Variants in NRG3 observed in about 807,000 individuals in gnomAD.
The protein encoded by NRG3 is pro-neuregulin-3, membrane-bound isoform.
In NRG3, 31 loss-of-function variants were observed where a neutral mutation model predicts 66.9. The observed-to-expected ratio is 0.46, with a 90% confidence interval of 0.35 to 0.63. The LOEUF (loss-of-function observed/expected upper bound fraction) is 0.63. Ranked by LOEUF, NRG3 falls within the 20% of genes least tolerant of loss-of-function variation. The pLI is 0.00. For synonymous variants in NRG3, 393 were observed against 359.4 expected, an observed-to-expected ratio of 1.09 and a Z score of -1.06; for missense variants, 910 against 878.9, an observed-to-expected ratio of 1.04 and a Z score of -0.45.
At chr10:82,801,552 T>C (rs2061039510) in intron 3 of NRG3, among the ~76,000 whole-genome samples, 1 of 152,162 alleles carries the variant, frequency 6.6e-6, no homozygotes, top group African/African-American at 2.4e-5. Context: ...CATTGTGTCA[T>C]TGGTATCCAC....
intron 1 of NRG3, among the ~76,000 whole-genome samples, chr10:81,942,665 C>T (rs1167931120): frequency 1.3e-5 from 2 of 152,140 alleles, no homozygotes; most frequent in Non-Finnish European, 2.9e-5. Context: ...TATCTTTCCT[C>T]AATTCACTGA....
chr10:82,898,577 G>T (rs1400878339), intron 4 of NRG3, among the ~76,000 whole-genome samples: 11 of 152,182 alleles, frequency 7.2e-5, no homozygotes, highest in Non-Finnish European at 2.9e-5. Flanking sequence ...ATACACATTT[G>T]CATGATGCTC....
intron 1 of NRG3, among the ~76,000 whole-genome samples, chr10:82,235,735 T>A (rs1054552151): frequency 1.3e-5 from 2 of 152,154 alleles, no homozygotes; most frequent in Non-Finnish European, 2.9e-5. Flanking sequence ...TAAAGAAAAT[T>A]GTATTTTGAG....
At chr10:82,493,593 A>G (rs1417903815) in intron 2 of NRG3, among the ~76,000 whole-genome samples, 2 of 152,202 alleles carry the variant, frequency 1.3e-5, no homozygotes, top group African/African-American at 2.4e-5. Context: ...ATGAACATAC[A>G]TGTCCATGTA....
chr10:82,639,139 C>T (rs947120317), intron 2 of NRG3, among the ~76,000 whole-genome samples: 1 of 152,186 alleles, frequency 6.6e-6, no homozygotes, highest in Non-Finnish European at 1.5e-5. Flanking sequence ...AATCTTCCTG[C>T]TGTATAACAA....
At chr10:82,788,446 C>T (rs2060457773) in intron 3 of NRG3, among the ~76,000 whole-genome samples, 2 of 151,820 alleles carry the variant, frequency 1.3e-5, no homozygotes, top group African/African-American at 2.4e-5. Context: ...GGTGCATGTC[C>T]GTAGTCCCAG....
At chr10:82,823,534 G>T (rs1462977239) in intron 3 of NRG3, among the ~76,000 whole-genome samples, 1 of 152,144 alleles carries the variant, frequency 6.6e-6, no homozygotes, top group African/African-American at 2.4e-5. Context: ...TCAGAATGGT[G>T]CACCATCAAC....
chr10:82,013,742 T>G (rs1407177782), intron 1 of NRG3, among the ~76,000 whole-genome samples: 1 of 152,182 alleles, frequency 6.6e-6, no homozygotes, highest in Non-Finnish European at 1.5e-5. Flanking sequence ...ATTTTCTCAC[T>G]CTGCTATACT....
intron 2 of NRG3, among the ~76,000 whole-genome samples, chr10:82,404,823 A>G (rs1055231918): frequency 6.6e-6 from 1 of 152,136 alleles, no homozygotes; most frequent in African/African-American, 2.4e-5. Flanking sequence ...ATTAAATGCC[A>G]TTAGCTGGTC....
intron 2 of NRG3, among the ~76,000 whole-genome samples, chr10:82,457,261 C>T (rs929548357): frequency 6.6e-6 from 1 of 152,052 alleles, no homozygotes; most frequent in African/African-American, 2.4e-5. Flanking sequence ...AATTTTTTTC[C>T]ACAGACAGGT....
chr10:82,048,395 C>G (rs2063417107), intron 1 of NRG3, among the ~76,000 whole-genome samples: 1 of 152,106 alleles, frequency 6.6e-6, no homozygotes, highest in African/African-American at 2.4e-5. Flanking sequence ...TTATAACAAA[C>G]TGTCTCTCAG....
At chr10:81,959,295 C>T (rs1850130561) in intron 1 of NRG3, among the ~76,000 whole-genome samples, 1 of 152,084 alleles carries the variant, frequency 6.6e-6, no homozygotes, top group Admixed American at 6.6e-5. Flanking sequence ...CAAATACTAC[C>T]CCCAAGAATT....
At chr10:82,484,734 T>G (rs1842544710) in intron 2 of NRG3, among the ~76,000 whole-genome samples, 1 of 152,198 alleles carries the variant, frequency 6.6e-6, no homozygotes, top group South Asian at 2.1e-4. Flanking sequence ...TATGAAGATC[T>G]TGTCAGGAGA....
At chr10:81,969,568 G>A (rs780950465) in intron 1 of NRG3, among the ~76,000 whole-genome samples, 2 of 152,176 alleles carry the variant, frequency 1.3e-5, no homozygotes, top group African/African-American at 4.8e-5. Flanking sequence ...AAAATCCAGC[G>A]TGACCAGAAA....
At chr10:81,975,075 C>A (rs568831599) in intron 1 of NRG3, among the ~76,000 whole-genome samples, 120 of 150,332 alleles carry the variant, frequency 8.0e-4, no homozygotes, top group African/African-American at 2.7e-3. Context: ...TAGCTCTACA[C>A]ACAGCAATGA....
At chr10:82,952,899 A>G (rs1849676906) in intron 5 of NRG3, among the ~76,000 whole-genome samples, 1 of 151,978 alleles carries the variant, frequency 6.6e-6, no homozygotes, top group Non-Finnish European at 1.5e-5. Context: ...TGTTTTTTAG[A>G]TATTTAGAAC....
At chr10:82,716,403 C>T (rs755052226) in intron 2 of NRG3, among the ~76,000 whole-genome samples, 3 of 152,156 alleles carry the variant, frequency 2.0e-5, no homozygotes, top group Non-Finnish European at 4.4e-5. Context: ...TCTCTGAATG[C>T]AGATCTGTTA....
chr10:82,985,679 A>G lies in NRG3; in HGVS notation c.*74A>G, dbSNP rs1853382529. The G allele has an allele frequency of 7.5e-6, 11 of 1,462,788 alleles. No individual in the cohort carries two copies. In the South Asian group the frequency reaches 9.3e-5, roughly 12 times the overall value. 90.6% of individuals were successfully genotyped at this position (1,462,788 alleles called of 1,614,324 possible). ...AGAGGAAATCAAATACAAATTATTT[A>G]TATGCATTAATTTAAGAGCATCTAC... On this transcript the variant is annotated 3_prime_UTR_variant, in exon 9 of 9. Coordinates refer to ENST00000372141, the MANE Select transcript of NRG3 (RefSeq NM_001010848.4).
chr10:82,025,016 T>A (rs2062235658), intron 1 of NRG3, among the ~76,000 whole-genome samples: 1 of 152,120 alleles, frequency 6.6e-6, no homozygotes. Flanking sequence ...CATGTTGTGA[T>A]TTATAAGGAT....
Sources: allele counts gnomAD v4.1 joint callset (sites outside exome capture counted in the v4.1 genomes callset), GRCh38; gene constraint gnomAD v4.1.1; transcripts MANE v1.5; gene names NCBI Gene and HGNC (gene_info 2026-07-23, HGNC 2026-07-21).